The following CFAP299 variants were observed in gnomAD, a reference collection of about 807,000 sequenced individuals.
The protein encoded by CFAP299 is cilia- and flagella-associated protein 299.
A neutral mutation model predicts 27.0 loss-of-function variants in CFAP299; 21 were observed. The ratio of observed to expected loss-of-function variants is 0.78; its 90% CI spans 0.55 to 1.12. The LOEUF (loss-of-function observed/expected upper bound fraction) is 1.12. CFAP299 is among the 50% of genes most tolerant of loss of function. The pLI, the probability that CFAP299 is intolerant of heterozygous loss-of-function variation, is 0.00. For synonymous variants in CFAP299, 104 were observed against 98.1 expected (o/e 1.06, Z -0.36); for missense variants, 310 against 276.6 (o/e 1.12, Z -0.86).
chr4:80,377,602 GA>G (rs1366631011), intron 2 of CFAP299, among the ~76,000 whole-genome samples: 1 of 151,508 alleles, frequency 6.6e-6, no homozygotes, highest in African/African-American at 2.4e-5. Flanking sequence ...ATAAAGTTTA[GA>G]ATCACCTAAA....
At chr4:80,871,130 C>T in intron 4 of CFAP299, 1 of 756,528 alleles carries the variant, frequency 1.3e-6, no homozygotes, top group Non-Finnish European at 1.6e-6. Context: ...TGGTCTCAAA[C>T]TCCTGACCTC....
chr4:80,416,222 G>C (rs912515387), intron 2 of CFAP299, among the ~76,000 whole-genome samples: 7 of 152,074 alleles, frequency 4.6e-5, no homozygotes, highest in African/African-American at 1.7e-4. Flanking sequence ...TTGACTGTAG[G>C]GTGTGTTTGT....
At chr4:80,823,937 G>A (rs1422479444) in intron 3 of CFAP299, among the ~76,000 whole-genome samples, 1 of 152,004 alleles carries the variant, frequency 6.6e-6, no homozygotes, top group Non-Finnish European at 1.5e-5. Flanking sequence ...TTTTTTTAAT[G>A]TTTCAAATTT....
intron 3 of CFAP299, among the ~76,000 whole-genome samples, chr4:80,595,987 G>GTC (rs1737039280): frequency 1.3e-5 from 2 of 152,108 alleles, no homozygotes; most frequent in African/African-American, 4.8e-5. Flanking sequence ...ATACCTATTA[G>GTC]TCTTTGTGAG....
upstream of CFAP299, among the ~76,000 whole-genome samples, chr4:80,332,034 G>T (rs1721961345): frequency 6.6e-6 from 1 of 152,220 alleles, no homozygotes; most frequent in African/African-American, 2.4e-5. Context: ...ACCAACCTCA[G>T]TGCAAAGTAA....
At chr4:80,443,464 T>G (rs557666359) in intron 2 of CFAP299, among the ~76,000 whole-genome samples, 1 of 152,152 alleles carries the variant, frequency 6.6e-6, no homozygotes, top group Admixed American at 6.6e-5. Context: ...GAAAAGGCCT[T>G]CGATAAAATT....
At chr4:80,710,765 TACTC>T (rs1374097892) in intron 3 of CFAP299, among the ~76,000 whole-genome samples, 5 of 152,116 alleles carry the variant, frequency 3.3e-5, no homozygotes, top group African/African-American at 1.2e-4. Context: ...TACTTTTTTT[TACTC>T]ACTCTAAAAT....
At chr4:80,586,758 T>C (rs1237753970) in intron 3 of CFAP299, among the ~76,000 whole-genome samples, 1 of 152,188 alleles carries the variant, frequency 6.6e-6, no homozygotes, top group African/African-American at 2.4e-5. Flanking sequence ...ATTTCCTTTC[T>C]AATCAAAGAC....
chr4:80,326,257 G>A, the CFAP299 span, among the ~76,000 whole-genome samples: 10 of 152,132 alleles, frequency 6.6e-5, no homozygotes, highest in African/African-American at 1.4e-4. Flanking sequence ...TGTGCATTGC[G>A]TGTGTGTGTG....
At position 80,341,395 on chromosome 4, in the gene CFAP299, A is replaced by C. The variant is rs1722444532; in HGVS notation, c.111+5516A>C. On this transcript the variant is annotated intron_variant, in intron 1 of 5. Transcript: ENST00000358105. ...CCATCCTTCCTGACTGAGGTCTCTC[A>C]ACAGGGGTCTCCAGACACCTCCTAC... Among the ~76,000 whole-genome samples the C allele has an allele frequency of 2.0e-5, 3 of 152,160 alleles. No homozygotes were observed. In the South Asian group the frequency reaches 6.2e-4, roughly 32 times the overall value.
At chr4:80,353,443 G>A (rs1328719808) in intron 1 of CFAP299, among the ~76,000 whole-genome samples, 1 of 152,174 alleles carries the variant, frequency 6.6e-6, no homozygotes, top group African/African-American at 2.4e-5. Flanking sequence ...GTTGTGGGGA[G>A]ACACCTCCTG....
At chr4:80,618,156 C>T (rs921362241) in intron 3 of CFAP299, among the ~76,000 whole-genome samples, 1 of 151,922 alleles carries the variant, frequency 6.6e-6, no homozygotes, top group African/African-American at 2.4e-5. Flanking sequence ...ATCTCATGGT[C>T]ATGGTTGAAA....
chr4:80,793,287 G>A (rs1473786280), intron 3 of CFAP299, among the ~76,000 whole-genome samples: 1 of 152,014 alleles, frequency 6.6e-6, no homozygotes, highest in Non-Finnish European at 1.5e-5. Flanking sequence ...GAAAGATGTA[G>A]GCTGGGAGGC....
chr4:80,733,902 AT>A (rs1298050887), intron 3 of CFAP299, among the ~76,000 whole-genome samples: 3 of 152,088 alleles, frequency 2.0e-5, no homozygotes, highest in Non-Finnish European at 4.4e-5. Flanking sequence ...AATCTTAGCT[AT>A]TGTGAATAGT....
In CFAP299 at chr4:80,671,174, T is replaced by C. The variant is rs569331505; in HGVS notation, c.333+87991T>C. On this transcript the variant is annotated intron_variant, in intron 3 of 5. Transcript: ENST00000358105. The stretch of plus-strand genomic sequence containing the variant: ...CTTGAATTAATTTTTGTATAAGGTG[T>C]AAGGAAAGGATCCAGTTTCATCTTT... Among the ~76,000 whole-genome samples the C allele has an allele frequency of 2.4e-4, 36 of 152,324 alleles. No individual in the cohort carries two copies. The South Asian group carries it at 7.5e-3, about 32-fold the overall frequency.
chr4:80,395,692 TG>T (rs1411364734), intron 2 of CFAP299, among the ~76,000 whole-genome samples: 1 of 152,142 alleles, frequency 6.6e-6, no homozygotes, highest in African/African-American at 2.4e-5. Flanking sequence ...GATTTAAAAA[TG>T]GGATGATGTA....
intron 3 of CFAP299, among the ~76,000 whole-genome samples, chr4:80,785,485 A>T (rs1212034369): frequency 6.6e-6 from 1 of 152,178 alleles, no homozygotes; most frequent in Non-Finnish European, 1.5e-5. Context: ...TAGATACTCT[A>T]GTAACCTTTG....
chr4:80,771,040 G>A (rs935355154), intron 3 of CFAP299, among the ~76,000 whole-genome samples: 5 of 152,024 alleles, frequency 3.3e-5, no homozygotes, highest in African/African-American at 4.8e-5. Context: ...ATATCCCATC[G>A]TATTCTCAGG....
intron 2 of CFAP299, among the ~76,000 whole-genome samples, chr4:80,506,705 C>G (rs540588396): frequency 6.6e-6 from 1 of 152,234 alleles, no homozygotes; most frequent in African/African-American, 2.4e-5. Context: ...AACATCTCAG[C>G]TCCTAATCTC....
Sources: allele counts gnomAD v4.1 joint callset (sites outside exome capture counted in the v4.1 genomes callset), GRCh38; gene constraint gnomAD v4.1.1; transcripts MANE v1.5; gene names NCBI Gene and HGNC (gene_info 2026-07-23, HGNC 2026-07-21).